PRR16: variants seen among roughly 807,000 people sequenced by gnomAD.
PRR16 encodes the protein protein Largen.
A neutral mutation model predicts 18.2 loss-of-function variants in PRR16; 6 were observed. That is an observed-to-expected ratio of 0.33 (90% CI 0.18 to 0.65). The LOEUF (loss-of-function observed/expected upper bound fraction) is 0.65, where lower values mean the gene tolerates loss of function less well. Ranked by LOEUF, PRR16 falls within the 30% of genes least tolerant of loss-of-function variation. The probability of loss-of-function intolerance (pLI) is 0.74; values close to 1 mark genes in which losing one functional copy is unlikely to be tolerated. For synonymous variants in PRR16, 151 were observed against 147.8 expected (o/e 1.02, Z -0.16); for missense variants, 412 against 376.6 (o/e 1.09, Z -0.78).
downstream of PRR16, among the ~76,000 whole-genome samples, chr5:120,689,800 C>A (rs769703602): frequency 6.7e-6 from 1 of 150,146 alleles, no homozygotes; most frequent in Non-Finnish European, 1.5e-5. Flanking sequence ...CCCATTTTTG[C>A]TGTGTTGTAT....
intron 1 of PRR16, among the ~76,000 whole-genome samples, chr5:120,524,047 A>T (rs1751273610): frequency 6.6e-6 from 1 of 152,122 alleles, no homozygotes; most frequent in South Asian, 2.1e-4. Flanking sequence ...GCTCAGTTAT[A>T]TAACATTCAT....
At chr5:120,746,763 G>A in the PRR16 span, among the ~76,000 whole-genome samples, 3 of 152,052 alleles carry the variant, frequency 2.0e-5, no homozygotes, top group Admixed American at 6.6e-5. Context: ...ACATTGTAAC[G>A]GAAAACCAAT....
intron 1 of PRR16, among the ~76,000 whole-genome samples, chr5:120,471,292 G>A (rs2112798157): frequency 6.6e-6 from 1 of 152,138 alleles, no homozygotes; most frequent in South Asian, 2.1e-4. Flanking sequence ...TAATATTCTG[G>A]CTGAGAAAAT....
chr5:120,770,471 C>G, the PRR16 span, among the ~76,000 whole-genome samples: 2 of 151,974 alleles, frequency 1.3e-5, no homozygotes, highest in East Asian at 3.9e-4. Context: ...ATAAAACTAC[C>G]AGACAAAAAC....
intron 1 of PRR16, among the ~76,000 whole-genome samples, chr5:120,594,256 T>C (rs1329357891): frequency 6.7e-6 from 1 of 150,076 alleles, no homozygotes; most frequent in Non-Finnish European, 1.5e-5. Context: ...GAAAACCCCA[T>C]AGTTTCAGGA....
intron 1 of PRR16, among the ~76,000 whole-genome samples, chr5:120,549,104 C>A (rs1334292688): frequency 6.6e-6 from 1 of 151,884 alleles, no homozygotes; most frequent in Non-Finnish European, 1.5e-5. Flanking sequence ...GCATGTTTCT[C>A]TTTTATTGAT....
chr5:120,499,988 G>GT (rs1337470093), intron 1 of PRR16, among the ~76,000 whole-genome samples: 3 of 152,010 alleles, frequency 2.0e-5, no homozygotes, highest in African/African-American at 4.8e-5. Flanking sequence ...ACTTTTTACT[G>GT]TTTTTTGAGT....
chr5:120,641,695 G>C (rs781590814), intron 1 of PRR16, among the ~76,000 whole-genome samples: 1 of 152,024 alleles, frequency 6.6e-6, no homozygotes, highest in African/African-American at 2.4e-5. Context: ...GATCAAAAGA[G>C]CAAGTAAAAG....
At chr5:120,731,890 C>T in the PRR16 span, among the ~76,000 whole-genome samples, 1 of 152,158 alleles carries the variant, frequency 6.6e-6, no homozygotes, top group African/African-American at 2.4e-5. Context: ...AAGAGACACA[C>T]TGGTGATAAC....
intron 1 of PRR16, among the ~76,000 whole-genome samples, chr5:120,647,638 A>G (rs1289703674): frequency 6.6e-6 from 1 of 152,074 alleles, no homozygotes; most frequent in Non-Finnish European, 1.5e-5. Flanking sequence ...TCTCTGAAAG[A>G]GTTACTCATA....
At chr5:120,602,474 T>C (rs1049745634) in intron 1 of PRR16, among the ~76,000 whole-genome samples, 3 of 152,134 alleles carry the variant, frequency 2.0e-5, no homozygotes, top group African/African-American at 7.2e-5. Context: ...GCAGAGTCTT[T>C]AGGATTTTCT....
Position 120,686,338 on chromosome 5 carries a change from G to A in PRR16, c.544G>A (p.Ala182Thr), listed in dbSNP as rs760278768. 5.0e-6 allele frequency: 8 copies of A among 1,614,106 alleles called. No homozygotes were observed. In the Admixed American group the frequency reaches 5.0e-5, roughly 10 times the overall value. Reference sequence around the variant, plus strand: ...CATACCCAACAGTAACTTGGACAAGGCTCCAGTCCAGCTTCTGATGCATAG... The same window carrying A: ...CATACCCAACAGTAACTTGGACAAGACTCCAGTCCAGCTTCTGATGCATAG... ...CCIPNSNLDK[A>T]PVQLLMHRPE... Residue 182 changes from alanine to threonine, a missense_variant, in exon 2 of 2, where the codon GCT (alanine) becomes ACT (threonine). Ala to Thr is a moderately conservative substitution (Grantham distance 58). Coordinates refer to ENST00000407149, the MANE Select transcript of PRR16 (RefSeq NM_001300783.2).
chr5:120,668,317 C>T (rs1054888873), intron 1 of PRR16, among the ~76,000 whole-genome samples: 16 of 151,094 alleles, frequency 1.1e-4, no homozygotes, highest in African/African-American at 3.9e-4. Context: ...GTAGATCTTC[C>T]TCCATCCTTT....
chr5:120,777,326 TACTTA>T, the PRR16 span, among the ~76,000 whole-genome samples: 6 of 152,128 alleles, frequency 3.9e-5, no homozygotes, highest in African/African-American at 1.2e-4. Context: ...ATACGCTTAT[TACTTA>T]ACTTTTTCTA....
chr5:120,538,494 A>T (rs1329861349), intron 1 of PRR16, among the ~76,000 whole-genome samples: 1 of 152,244 alleles, frequency 6.6e-6, no homozygotes, highest in East Asian at 1.9e-4. Context: ...GGATACACAT[A>T]CTGCAATTTC....
the PRR16 span, among the ~76,000 whole-genome samples, chr5:120,778,391 A>G: frequency 6.6e-6 from 1 of 152,170 alleles, no homozygotes; most frequent in East Asian, 1.9e-4. Flanking sequence ...CCTATCCTTA[A>G]TCTTACATTA....
At chr5:120,515,425 C>G (rs1292177279) in intron 1 of PRR16, among the ~76,000 whole-genome samples, 1 of 151,954 alleles carries the variant, frequency 6.6e-6, no homozygotes, top group Admixed American at 6.6e-5. Context: ...AACACAAGTC[C>G]CTTTCTAAAA....
the PRR16 span, among the ~76,000 whole-genome samples, chr5:120,787,179 A>C: frequency 6.6e-6 from 1 of 152,156 alleles, no homozygotes; most frequent in Non-Finnish European, 1.5e-5. Flanking sequence ...GTGATGGTAT[A>C]TTATGTCTCT....
intron 1 of PRR16, among the ~76,000 whole-genome samples, chr5:120,597,057 G>A (rs775635408): frequency 1.3e-4 from 19 of 151,468 alleles, no homozygotes; most frequent in Non-Finnish European, 2.5e-4. Flanking sequence ...TATTTTTAAT[G>A]TAATGAATGT....
Sources: allele counts gnomAD v4.1 joint callset (sites outside exome capture counted in the v4.1 genomes callset), GRCh38; gene constraint gnomAD v4.1.1; transcripts MANE v1.5; gene names NCBI Gene and HGNC (gene_info 2026-07-23, HGNC 2026-07-21).